The following SMTN variants were observed in gnomAD, a reference collection of about 807,000 sequenced individuals.
The protein encoded by SMTN is smoothelin.
In SMTN, 58 loss-of-function variants were observed where a neutral mutation model predicts 102.0. The observed-to-expected ratio is 0.57, with a 90% confidence interval of 0.46 to 0.71. The LOEUF is 0.71. Ranked by LOEUF, SMTN falls within the 30% of genes least tolerant of loss-of-function variation. The pLI, the probability that SMTN is intolerant of heterozygous loss-of-function variation, is 0.00. For missense variants in SMTN, 1,185 were observed against 1,241.7 expected (o/e 0.95, Z 0.69); for synonymous variants, 478 against 497.9 (o/e 0.96, Z 0.53).
intron 2 of SMTN, chr22:31,085,296 G>C: frequency 6.7e-7 from 1 of 1,492,846 alleles, no homozygotes. Flanking sequence ...GGCAGGGTGG[G>C]CGAGGCGAGG....
intron 13 of SMTN, 66 bp from the exon 14 acceptor site, chr22:31,096,667 C>T (rs950937215): frequency 4.1e-6 from 6 of 1,465,784 alleles, no homozygotes; most frequent in African/African-American, 2.8e-5. Context: ...CCCCATGCAC[C>T]TGTGCATCTG....
At chr22:31,094,983 G>A (rs889423323) in intron 11 of SMTN, among the ~76,000 whole-genome samples, 7 of 152,120 alleles carry the variant, frequency 4.6e-5, no homozygotes, top group East Asian at 1.9e-4. Flanking sequence ...CACTGCGCCC[G>A]GCCTTCCCTT....
chr22:31,065,081 T>C (rs1459310789), intron 1 of SMTN: 1 of 152,190 alleles, frequency 6.6e-6, no homozygotes, highest in African/African-American at 2.4e-5. Context: ...GTCTGATTTT[T>C]TTTTTGGTGA....
chr22:31,098,736 C>G lies in SMTN; in HGVS notation c.2229C>G (p.Ala743=). ...TGGCGGCGCTCGAGAAACGGCAGGCCGAGAAGAAGAAAGAGCTGATGAAGG... is the reference window on the plus strand; with the variant it reads ...TGGCGGCGCTCGAGAAACGGCAGGCGGAGAAGAAGAAAGAGCTGATGAAGG... ...GSLAALEKRQ[A]EKKKELMKAQ... is the part of the protein sequence containing the mutation. Residue 743 remains alanine, a synonymous_variant, in exon 17 of 21, where the codon GCC becomes GCG. Coordinates refer to ENST00000333137, the MANE Select transcript of SMTN (RefSeq NM_134269.3). 1 of 1,613,318 alleles carries G rather than the reference C, an allele frequency of 6.2e-7. No individual in the cohort carries two copies. Among genetic ancestry groups the G allele is most frequent in the Non-Finnish European group, 8.5e-7 (1 of 1,179,890 alleles).
chr22:31,074,005 A>G (rs957480394), intron 1 of SMTN, among the ~76,000 whole-genome samples: 32 of 152,350 alleles, frequency 2.1e-4, no homozygotes, highest in South Asian at 4.1e-4. Flanking sequence ...TTCCAAGAGA[A>G]TAAGTGGAAT....
intron 2 of SMTN, chr22:31,085,032 C>A: frequency 6.6e-7 from 1 of 1,509,588 alleles, no homozygotes; most frequent in Non-Finnish European, 8.8e-7. Context: ...GCAGTCGCTT[C>A]CGGCCCCGGC....
At position 31,085,877 on chromosome 22, in the gene SMTN, C is replaced by T. The variant is rs140354363; in HGVS notation, c.52-2088C>T. 2.0e-3 allele frequency among the ~76,000 whole-genome samples: 310 copies of T among 152,324 alleles called. 2 individuals are homozygous for T. The highest frequency in any genetic ancestry group is 7.3e-3 in the African/African-American group (302 of 41,574). ...TTTTCCAGATGGGGACACTGAAGCT[C>T]CGGGGGTTGTGCTGTAGAGGTGGCC... On this transcript the variant is annotated intron_variant, in intron 2 of 20. Transcript: ENST00000333137.
rs2043586715 is a variant in SMTN at position 31,096,497 on chromosome 22, T to G, written c.1862-236T>G. The G allele has an allele frequency of 2.5e-5, 11 of 447,404 alleles. No homozygotes were observed. In the East Asian group the frequency reaches 3.4e-4, roughly 14 times the overall value. The allele number at this position is 447,404 out of a possible 1,614,324, so 27.7% of individuals were successfully genotyped here. A position where few individuals can be genotyped will look rare whatever the true frequency, so the allele number is the denominator to read the frequency against. On this transcript the variant is annotated intron_variant, in intron 13 of 20. Transcript: ENST00000333137. ...TCCATACCCCTTTGAGTTTAGCTAC[T>G]CCGTATTCTCTAGTTTCTGCCTGAG...
chr22:31,093,605 G>A (rs867733031), intron 11 of SMTN: 10 of 756,446 alleles, frequency 1.3e-5, no homozygotes, highest in Admixed American at 3.6e-5. Context: ...CCGGTGGCCC[G>A]GGCAGCTGAA....
intron 1 of SMTN, chr22:31,082,848 C>CT (rs1284920108): frequency 7.2e-6 from 11 of 1,523,106 alleles, no homozygotes; most frequent in Non-Finnish European, 9.7e-6. Flanking sequence ...GTAAGCACAG[C>CT]TTGGGTGGGT....
At chr22:31,087,851 GA>G in intron 2 of SMTN, 113 bp from the exon 3 acceptor site, 1 of 1,188,518 alleles carries the variant, frequency 8.4e-7, no homozygotes, top group African/African-American at 1.5e-5. Flanking sequence ...AAGAGCTTGG[GA>G]CACAGGGAGT....
intron 17 of SMTN, 63 bp downstream of exon 17, chr22:31,098,903 C>T (rs899084688): frequency 6.4e-6 from 10 of 1,552,014 alleles, no homozygotes; most frequent in Non-Finnish European, 8.7e-6. Flanking sequence ...GGGGGCGGGG[C>T]TTGATAGTTG....
chr22:31,097,746 A>AAATAAATAAAT (rs1555971555), intron 16 of SMTN, among the ~76,000 whole-genome samples: 17 of 151,440 alleles, frequency 1.1e-4, no homozygotes, highest in East Asian at 5.8e-4. Flanking sequence ...ATAAATAAAT[A>AAATAAATAAAT]AATAAAACAG....
chr22:31,078,312 G>T (rs1483717893), upstream of SMTN, among the ~76,000 whole-genome samples: 1 of 152,224 alleles, frequency 6.6e-6, no homozygotes, highest in Non-Finnish European at 1.5e-5. Context: ...AACACAGACA[G>T]CTTGGTAAAA....
At position 31,098,301 on chromosome 22, in the gene SMTN, A is replaced by T. The variant is rs188736630; in HGVS notation, c.2160-366A>T. ...GCTCTTGTGAAGTTTAAAATGGCACACAGGAAAGGATCAACAGAGATGAAT... is the reference window on the plus strand; with the variant it reads ...GCTCTTGTGAAGTTTAAAATGGCACTCAGGAAAGGATCAACAGAGATGAAT... On this transcript the variant is annotated intron_variant, in intron 16 of 20. Coordinates refer to ENST00000333137, the MANE Select transcript of SMTN (RefSeq NM_134269.3). 9.6e-4 allele frequency among the ~76,000 whole-genome samples: 147 copies of T among 152,334 alleles called. 1 individual carries two copies. The South Asian group carries it at 0.013, about 14-fold the overall frequency.
At position 31,088,131 on chromosome 22, in the gene SMTN, G is replaced by A; in HGVS notation, c.200+18G>A. The A allele has an allele frequency of 6.3e-7, 1 of 1,578,078 alleles. No individual in the cohort carries two copies. Among genetic ancestry groups the A allele is most frequent in the Non-Finnish European group, 8.6e-7 (1 of 1,156,652 alleles). Reference sequence around the variant, plus strand: ...TGGCTGCAGTGAGTAGCGGGGGGTGGAACATGCGGGTGAGAAGGTGAGTGT... The same window carrying A: ...TGGCTGCAGTGAGTAGCGGGGGGTGAAACATGCGGGTGAGAAGGTGAGTGT... On this transcript the variant is annotated intron_variant, in intron 3 of 20. Coordinates refer to ENST00000333137, the MANE Select transcript of SMTN (RefSeq NM_134269.3).
intron 2 of SMTN, chr22:31,087,068 G>T (rs77654360): frequency 2.0e-5 from 3 of 152,418 alleles, no homozygotes; most frequent in African/African-American, 7.2e-5. Flanking sequence ...GCTTATCTCT[G>T]CCACTATCTT....
In SMTN at chr22:31,104,443, CGCCTGCGCGGCAAGAATGTCTA is replaced by C; in HGVS notation, c.*155_*176del. 6.2e-7 allele frequency: 1 copy of C among 1,613,960 alleles called. No individual in the cohort carries two copies. The highest frequency in any genetic ancestry group is 8.5e-7 in the Non-Finnish European group (1 of 1,180,022). On this transcript the variant is annotated 3_prime_UTR_variant, in exon 21 of 21. Coordinates refer to ENST00000333137, the MANE Select transcript of SMTN (RefSeq NM_134269.3). ...CAACCACCTGCGACGCCACGAACTGCGCCTGCGCGGCAAGAATGTCTAGCCTGCCCGCCCGCATGGCCAGCCA... is the reference window on the plus strand; with the variant it reads ...CAACCACCTGCGACGCCACGAACTGCGCCTGCCCGCCCGCATGGCCAGCCA...
intron 1 of SMTN, among the ~76,000 whole-genome samples, chr22:31,073,099 C>T (rs1832534915): frequency 2.1e-5 from 3 of 144,338 alleles, no homozygotes; most frequent in Admixed American, 1.4e-4. Flanking sequence ...AGTGTAGCCT[C>T]AACCTCCTGA....
Sources: gnomAD v4.1 joint callset for allele counts (sites outside exome capture counted in the v4.1 genomes callset) on GRCh38, gnomAD v4.1.1 for gene constraint, MANE v1.5 for transcripts, NCBI Gene and HGNC (gene_info 2026-07-23, HGNC 2026-07-21) for gene names.